PTPRD: variants seen among roughly 807,000 people sequenced by gnomAD.
PTPRD encodes protein tyrosine phosphatase receptor type D.
PTPRD carries 34 observed loss-of-function variants against 214.5 expected under a neutral mutation model. The observed-to-expected ratio is 0.16, with a 90% CI of 0.12 to 0.21. PTPRD has a LOEUF of 0.21. Ranked by LOEUF, PTPRD falls within the 10% of genes least tolerant of loss-of-function variation. The pLI, the probability that PTPRD is intolerant of heterozygous loss-of-function variation, is 1.00. For missense variants in PTPRD, 2,545 were observed against 2,398.7 expected, an observed-to-expected ratio of 1.06 and a Z score of -1.27; for synonymous variants, 1,128 against 845.7, an observed-to-expected ratio of 1.33 and a Z score of -5.79.
chr9:9,072,791 G>C (rs554387203), intron 10 of PTPRD, among the ~76,000 whole-genome samples: 3 of 152,260 alleles, frequency 2.0e-5, no homozygotes, highest in Non-Finnish European at 4.4e-5. Context: ...CACTATGTTA[G>C]AATGTTACAT....
intron 3 of PTPRD, among the ~76,000 whole-genome samples, chr9:10,054,796 C>T (rs1022784434): frequency 6.6e-6 from 1 of 152,108 alleles, no homozygotes; most frequent in African/African-American, 2.4e-5. Flanking sequence ...CTTTTTCCTA[C>T]TGGAATAGTC....
chr9:8,985,806 T>C (rs1398446855), intron 11 of PTPRD, among the ~76,000 whole-genome samples: 2 of 152,050 alleles, frequency 1.3e-5, no homozygotes, highest in Admixed American at 6.6e-5. Flanking sequence ...ATGAAGTTAT[T>C]GAATGCCTCT....
intron 2 of PTPRD, among the ~76,000 whole-genome samples, chr9:10,541,029 A>G (rs1192392922): frequency 6.6e-6 from 1 of 152,208 alleles, no homozygotes; most frequent in Non-Finnish European, 1.5e-5. Context: ...GTAAAAAAAG[A>G]AACCATTAAA....
chr9:10,445,557 C>T (rs1234537150), intron 2 of PTPRD, among the ~76,000 whole-genome samples: 9 of 151,946 alleles, frequency 5.9e-5, no homozygotes, highest in South Asian at 2.1e-4. Flanking sequence ...GACTTAGTAA[C>T]CAGTTACAAA....
At chr9:9,162,600 C>G (rs73399636) in intron 10 of PTPRD, among the ~76,000 whole-genome samples, 9,060 of 152,054 alleles carry the variant, frequency 0.06, 489 homozygotes, top group East Asian at 0.21. Context: ...CCACCCTCCA[C>G]CTGCTTGCAT....
chr9:8,435,649 G>A (rs1424815965), intron 35 of PTPRD, among the ~76,000 whole-genome samples: 14 of 151,692 alleles, frequency 9.2e-5, no homozygotes, highest in Admixed American at 7.9e-4. Flanking sequence ...GAGAATACCA[G>A]AAATACCCAG....
intron 3 of PTPRD, among the ~76,000 whole-genome samples, chr9:10,242,244 T>C (rs1301948184): frequency 2.0e-5 from 3 of 152,018 alleles, no homozygotes; most frequent in Non-Finnish European, 2.9e-5. Flanking sequence ...TTCAGTTCTC[T>C]AAACTGTTTG....
At chr9:9,672,253 T>C (rs189879776) in intron 7 of PTPRD, among the ~76,000 whole-genome samples, 1 of 152,280 alleles carries the variant, frequency 6.6e-6, no homozygotes, top group Non-Finnish European at 1.5e-5. Context: ...GCAAATTCTA[T>C]CATCTAAAGA....
chr9:10,455,013 A>G (rs1233284964), intron 2 of PTPRD, among the ~76,000 whole-genome samples: 1 of 151,682 alleles, frequency 6.6e-6, no homozygotes, highest in African/African-American at 2.4e-5. Context: ...TGTATATTTG[A>G]CTTTTTAAGA....
At chr9:9,985,031 G>T (rs764784731) in intron 4 of PTPRD, among the ~76,000 whole-genome samples, 9 of 152,136 alleles carry the variant, frequency 5.9e-5, no homozygotes, top group Admixed American at 1.3e-4. Context: ...TATATTAAGG[G>T]TTTAAATATG....
intron 32 of PTPRD, among the ~76,000 whole-genome samples, chr9:8,465,155 C>T (rs548715163): frequency 6.6e-6 from 1 of 151,962 alleles, no homozygotes; most frequent in Admixed American, 6.6e-5. Flanking sequence ...AGATTGTAAG[C>T]AATGATGGTT....
intron 10 of PTPRD, among the ~76,000 whole-genome samples, chr9:9,080,073 T>C (rs890069985): frequency 6.6e-6 from 1 of 152,054 alleles, no homozygotes; most frequent in African/African-American, 2.4e-5. Context: ...TCTAATTTAG[T>C]CAAATCATAA....
chr9:9,720,241 GAAAT>G (rs1295101463), intron 7 of PTPRD, among the ~76,000 whole-genome samples: 1 of 152,098 alleles, frequency 6.6e-6, no homozygotes, highest in Admixed American at 6.5e-5. Flanking sequence ...TTCATAATTG[GAAAT>G]AATTTACACT....
At chr9:9,578,981 T>C (rs1157120622) in intron 7 of PTPRD, among the ~76,000 whole-genome samples, 2 of 152,134 alleles carry the variant, frequency 1.3e-5, no homozygotes, top group Non-Finnish European at 2.9e-5. Context: ...TTTTACTTTA[T>C]AGATAAAACT....
At chr9:8,562,809 G>A (rs990659286) in intron 14 of PTPRD, among the ~76,000 whole-genome samples, 1 of 151,274 alleles carries the variant, frequency 6.6e-6, no homozygotes, top group South Asian at 2.1e-4. Flanking sequence ...TGGTGTTGTA[G>A]CTGAAAAACA....
intron 5 of PTPRD, among the ~76,000 whole-genome samples, chr9:9,894,538 A>G (rs900640893): frequency 6.6e-6 from 1 of 151,904 alleles, no homozygotes; most frequent in Non-Finnish European, 1.5e-5. Context: ...TGTCTAATCA[A>G]CTTTCACTCA....
chr9:8,451,367 G>C (rs1459878646), intron 33 of PTPRD, among the ~76,000 whole-genome samples: 1 of 152,116 alleles, frequency 6.6e-6, no homozygotes, highest in Admixed American at 6.5e-5. Flanking sequence ...AATCAGAGGT[G>C]AGCAGTATTC....
chr9:10,593,406 A>G (rs1401342300), intron 2 of PTPRD, among the ~76,000 whole-genome samples: 2 of 152,108 alleles, frequency 1.3e-5, no homozygotes, highest in East Asian at 1.9e-4. Flanking sequence ...GGACATTACT[A>G]GAAGCCTCAA....
chr9:8,708,821 T>G (rs1344246021), intron 12 of PTPRD, among the ~76,000 whole-genome samples: 5 of 152,066 alleles, frequency 3.3e-5, no homozygotes, highest in Non-Finnish European at 1.5e-5. Flanking sequence ...ATACTCACAT[T>G]AGCCAAGATG....
Sources: allele counts gnomAD v4.1 joint callset (sites outside exome capture counted in the v4.1 genomes callset), GRCh38; gene constraint gnomAD v4.1.1; transcripts MANE v1.5; gene names NCBI Gene and HGNC (gene_info 2026-07-23, HGNC 2026-07-21).